The following ZNF385C variants were observed in gnomAD, a reference collection of about 807,000 sequenced individuals.
The protein encoded by ZNF385C is CTD-2132N18.2.
ZNF385C carries 28 observed loss-of-function variants against 35.4 expected under a neutral mutation model. That is an observed-to-expected ratio of 0.79 (90% CI 0.59 to 1.08). The LOEUF (loss-of-function observed/expected upper bound fraction) is 1.08. ZNF385C is among the 50% of genes least tolerant of loss of function. The probability of loss-of-function intolerance (pLI) is 0.00; values close to 1 mark genes in which losing one functional copy is unlikely to be tolerated. For missense variants in ZNF385C, 605 were observed against 595.6 expected (o/e 1.02, Z -0.16); for synonymous variants, 248 against 248.2 (o/e 1.00, Z 0.01).
rs1555656159 is a variant in ZNF385C, at chr17:42,041,847, C to T, written c.251-3962G>A. On this transcript the variant is annotated intron_variant, in intron 2 of 8. Transcript: ENST00000692273. ...GCTGCAATTTGCATGCTTCCAGGGG[C>T]CATGTGAGTGATATTGAGCTTGGAG... Among the ~76,000 whole-genome samples the T allele has an allele frequency of 2.6e-5, 4 of 152,260 alleles. No individual in the cohort carries two copies. The South Asian group carries it at 8.3e-4, about 32-fold the overall frequency.
At chr17:42,051,623 C>T (rs2053282974) in intron 2 of ZNF385C, among the ~76,000 whole-genome samples, 1 of 152,080 alleles carries the variant, frequency 6.6e-6, no homozygotes, top group African/African-American at 2.4e-5. Context: ...AGAGAGGGGG[C>T]TGGCCTGCTG....
chr17:42,046,286 A>C (rs2143709230), intron 2 of ZNF385C, among the ~76,000 whole-genome samples: 1 of 152,138 alleles, frequency 6.6e-6, no homozygotes, highest in Admixed American at 6.6e-5. Context: ...TCTCAGTAAA[A>C]GTTGGTTGTT....
At chr17:42,027,469 A>G in intron 8 of ZNF385C, 149 bp downstream of exon 8, 1 of 721,216 alleles carries the variant, frequency 1.4e-6, no homozygotes, top group Non-Finnish European at 2.2e-6. Flanking sequence ...CGCAGATCCC[A>G]GTTCCCAGGC....
chr17:42,094,127 G>A (rs2053892842), intron 1 of ZNF385C, among the ~76,000 whole-genome samples: 1 of 151,966 alleles, frequency 6.6e-6, no homozygotes, highest in African/African-American at 2.4e-5. Context: ...GAGATTACAG[G>A]CATGCGCCAC....
At chr17:42,034,733 G>C (rs1311711031) in intron 3 of ZNF385C, among the ~76,000 whole-genome samples, 1 of 149,206 alleles carries the variant, frequency 6.7e-6, no homozygotes, top group Non-Finnish European at 1.5e-5. Context: ...GCGGTGAACC[G>C]AGAGCAGGCC....
chr17:42,098,055 G>T (rs1250132103), intron 1 of ZNF385C, among the ~76,000 whole-genome samples: 1 of 152,198 alleles, frequency 6.6e-6, no homozygotes, highest in African/African-American at 2.4e-5. Context: ...CTTGGATGAG[G>T]CATGGCGCAC....
chr17:42,063,455 G>A (rs1200911785), intron 1 of ZNF385C, among the ~76,000 whole-genome samples: 2 of 152,180 alleles, frequency 1.3e-5, no homozygotes, highest in Non-Finnish European at 2.9e-5. Flanking sequence ...TTGAACCCGG[G>A]AGGCGGAGGT....
intron 5 of ZNF385C, among the ~76,000 whole-genome samples, 198 bp from the exon 6 acceptor site, chr17:42,029,271 C>A (rs185896038): frequency 6.6e-6 from 1 of 152,314 alleles, no homozygotes. Context: ...ACACAGTGGT[C>A]TCAGAAAGCC....
rs555304056 is a variant in ZNF385C at position 42,091,318 on chromosome 17, G to C, written c.-3+7092C>G. Among the ~76,000 whole-genome samples the C allele has an allele frequency of 3.3e-5, 5 of 152,280 alleles. No individual in the cohort carries two copies. The South Asian group carries it at 1.0e-3, about 32-fold the overall frequency. On this transcript the variant is annotated intron_variant, in intron 1 of 8. Coordinates refer to ENST00000692273, the MANE Select transcript of ZNF385C (RefSeq NM_001392013.1). ...ATCCAGGTGTGTGCCTGTAGTCCCA[G>C]CTATTCGTGAGGCTCTGGACTGAGG... is the stretch of plus-strand genomic sequence containing the variant.
In ZNF385C at chr17:42,050,577, C is replaced by T. The variant is rs2053261453; in HGVS notation, c.250+12230G>A. The T allele has an allele frequency of 6.6e-6, 1 of 152,154 alleles. No homozygotes were observed. The highest frequency in any genetic ancestry group is 1.5e-5 in the Non-Finnish European group (1 of 68,004). The allele number at this position is 152,154 out of a possible 1,614,324, so 9.4% of individuals were successfully genotyped here. On this transcript the variant is annotated intron_variant, in intron 2 of 8. Transcript: ENST00000692273. This position sits in a 1 kb window ranked among gnomAD's most constrained non-coding sequence, Gnocchi z 5.6. ...CTCACGGAGACACAGGAGCCACCAT[C>T]TTGGGCGGTGGACGCTCTGGCCGCG...
In ZNF385C at chr17:42,096,636, T is replaced by A. The variant is rs1444826501; in HGVS notation, c.-3+1774A>T. ...CGTATTATTTATCTTCCTGGAAAAA[T>A]TTAGTGCGGCTTGATCCCAACTCCT... On this transcript the variant is annotated intron_variant, in intron 1 of 8. Coordinates refer to ENST00000692273, the MANE Select transcript of ZNF385C (RefSeq NM_001392013.1). Among the ~76,000 whole-genome samples, 3 of 152,022 alleles carry A rather than the reference T, an allele frequency of 2.0e-5. No homozygotes were observed. In the East Asian group the frequency reaches 5.8e-4, roughly 29 times the overall value.
chr17:42,031,977 A>T (rs1555655041), intron 4 of ZNF385C, among the ~76,000 whole-genome samples, 193 bp from the exon 5 acceptor site: 3 of 152,210 alleles, frequency 2.0e-5, no homozygotes, highest in Admixed American at 2.0e-4. Flanking sequence ...GTTCTCGCAC[A>T]TGAACTCCAA....
rs1203519948 is a variant in ZNF385C at position 42,037,738 on chromosome 17, G to A, written c.398C>T (p.Thr133Met). ...APLSLFPNFS[T>M]MDPVQKAVIS... is the part of the protein sequence containing the mutation. ...CCCACCCGCCAGCCCAGCCCATACC[G>A]TGCTGAAGTTGGGGAAGAGACTGAG... Residue 133 changes from threonine to methionine, a missense_variant and splice_region_variant, in exon 3 of 9, where the codon ACG (threonine) becomes ATG (methionine). Coordinates refer to ENST00000692273, the MANE Select transcript of ZNF385C (RefSeq NM_001392013.1). The A allele has an allele frequency of 2.7e-5, 42 of 1,530,648 alleles. No individual in the cohort carries two copies. Among genetic ancestry groups the A allele is most frequent in the Middle Eastern group, 2.2e-4 (1 of 4,584 alleles). 94.8% of individuals were successfully genotyped at this position (1,530,648 alleles called of 1,614,324 possible). A position where few individuals can be genotyped will look rare whatever the true frequency, so the allele number is the denominator to read the frequency against.
intron 2 of ZNF385C, chr17:42,040,769 G>C (rs1397596736): frequency 8.1e-7 from 1 of 1,232,228 alleles, no homozygotes; most frequent in African/African-American, 1.6e-5. Context: ...CCATGGAGGC[G>C]GAATAGGGCA....
At chr17:42,078,660 C>T (rs955742816) in intron 1 of ZNF385C, among the ~76,000 whole-genome samples, 1 of 152,210 alleles carries the variant, frequency 6.6e-6, no homozygotes, top group African/African-American at 2.4e-5. Context: ...TTCCCACTGT[C>T]ACCTTCTCCT....
At chr17:42,027,554 G>GGCCCCCCCCCCCCCCCCCCCC in intron 8 of ZNF385C, 64 bp downstream of exon 8, 1 of 556,880 alleles carries the variant, frequency 1.8e-6, no homozygotes. Flanking sequence ...CCCCCATCTG[G>GGCCCCCCCCCCCCCCCCCCCC]CCCTCCCAGC....
chr17:42,096,988 A>G (rs1179513492), intron 1 of ZNF385C, among the ~76,000 whole-genome samples: 1 of 150,412 alleles, frequency 6.6e-6, no homozygotes, highest in Non-Finnish European at 1.5e-5. Context: ...AAAAAAAAAA[A>G]AAAAAACCCT....
chr17:42,055,903 T>G (rs1235685185), intron 2 of ZNF385C, among the ~76,000 whole-genome samples: 1 of 152,076 alleles, frequency 6.6e-6, no homozygotes, highest in East Asian at 1.9e-4. Context: ...TAGGGGAGCC[T>G]AGATTTGGCC....
At chr17:42,075,663 T>C (rs1382708034) in intron 1 of ZNF385C, among the ~76,000 whole-genome samples, 1 of 151,920 alleles carries the variant, frequency 6.6e-6, no homozygotes, top group Non-Finnish European at 1.5e-5. Flanking sequence ...CCCAGCTCAT[T>C]TTTTGTATTT....
Sources: allele counts gnomAD v4.1 joint callset (sites outside exome capture counted in the v4.1 genomes callset), GRCh38; gene constraint gnomAD v4.1.1; non-coding constraint Gnocchi (gnomAD v3.1); transcripts MANE v1.5; gene names NCBI Gene and HGNC (gene_info 2026-07-23, HGNC 2026-07-21).